ETFDH: variants seen among roughly 807,000 people sequenced by gnomAD.
ETFDH encodes electron transfer flavoprotein-ubiquinone oxidoreductase, mitochondrial.
Under a neutral mutation model 73.2 loss-of-function variants are expected in ETFDH, and 61 were observed. The ratio of observed to expected loss-of-function variants is 0.83; its 90% CI spans 0.68 to 1.03. The LOEUF is 1.03. Ranked by LOEUF, ETFDH falls within the 50% of genes least tolerant of loss-of-function variation. The pLI, the probability that ETFDH is intolerant of heterozygous loss-of-function variation, is 0.00. For missense variants in ETFDH, 685 were observed against 745.0 expected, an observed-to-expected ratio of 0.92 and a Z score of 0.94; for synonymous variants, 243 against 253.3, an observed-to-expected ratio of 0.96 and a Z score of 0.39.
chr4:158,694,972 A>G (rs949671875), intron 6 of ETFDH, among the ~76,000 whole-genome samples: 2 of 152,216 alleles, frequency 1.3e-5, no homozygotes, highest in Non-Finnish European at 2.9e-5. Flanking sequence ...CAGAACTCAC[A>G]TATATGAAAA....
chr4:158,690,040 C>T (rs537428558), intron 5 of ETFDH, among the ~76,000 whole-genome samples: 1 of 152,184 alleles, frequency 6.6e-6, no homozygotes, highest in South Asian at 2.1e-4. Context: ...CACGATTTGA[C>T]ATCTGAAGGG....
chr4:158,700,732 CAGA>C (rs1774441356), intron 9 of ETFDH: 1 of 152,174 alleles, frequency 6.6e-6, no homozygotes, highest in African/African-American at 2.4e-5. Flanking sequence ...TTCAATACTA[CAGA>C]AGTTTCTCTG....
chr4:158,695,871 T>C (rs778084436), intron 7 of ETFDH, among the ~76,000 whole-genome samples: 1 of 152,246 alleles, frequency 6.6e-6, no homozygotes, highest in African/African-American at 2.4e-5. Flanking sequence ...AATTGTCGTA[T>C]CAAGTGTTGC....
chr4:158,696,651 A>T (rs1774315443), intron 7 of ETFDH, among the ~76,000 whole-genome samples: 1 of 152,224 alleles, frequency 6.6e-6, no homozygotes, highest in Admixed American at 6.5e-5. Context: ...GATTGCACAT[A>T]ATATTATCTG....
At chr4:158,679,466 C>A (rs1013693276) in intron 1 of ETFDH, 12 of 152,012 alleles carry the variant, frequency 7.9e-5, no homozygotes, top group Non-Finnish European at 1.6e-4. Context: ...TCATTGAGTA[C>A]AATCAACGGG....
intron 6 of ETFDH, among the ~76,000 whole-genome samples, chr4:158,692,102 A>G (rs1774180044): frequency 6.6e-6 from 1 of 152,196 alleles, no homozygotes; most frequent in East Asian, 1.9e-4. Context: ...CTGCTTTAAA[A>G]GCAAATAGCG....
In ETFDH at chr4:158,697,597, A is replaced by G. The variant is rs752487495; in HGVS notation, c.870A>G (p.Arg290=). 5 of 1,612,160 alleles carry G rather than the reference A, an allele frequency of 3.1e-6. No individual in the cohort carries two copies. The highest frequency in any genetic ancestry group is 4.2e-6 in the Non-Finnish European group (5 of 1,179,384). Residue 290 remains arginine, a synonymous_variant, in exon 8 of 13, where the codon AGA becomes AGG. Transcript: ENST00000511912. The stretch of plus-strand genomic sequence containing the variant: ...ATGAAAAGAACTGGAAACCTGGGAG[A>G]GTAGATCACACTGTTGGTTGGCCCT... ...VIDEKNWKPG[R]VDHTVGWPLD...
intron 5 of ETFDH, among the ~76,000 whole-genome samples, chr4:158,686,063 A>G (rs952620393): frequency 1.3e-5 from 2 of 152,198 alleles, no homozygotes; most frequent in African/African-American, 4.8e-5. Context: ...TCTCTTTGGC[A>G]GGTCCAGTCT....
At chr4:158,682,017 A>G in intron 2 of ETFDH, 178 bp from the exon 3 acceptor site, 1 of 775,446 alleles carries the variant, frequency 1.3e-6, no homozygotes, top group African/African-American at 1.7e-5. Context: ...GTACTGGAAC[A>G]GAACCTAAGA....
intron 3 of ETFDH, 34 bp downstream of exon 3, chr4:158,682,458 C>A (rs781655668): frequency 1.3e-6 from 2 of 1,494,392 alleles, no homozygotes; most frequent in Non-Finnish European, 1.9e-6. Context: ...AAAGTCTAAT[C>A]TTTTGTAATT....
Position 158,682,300 on chromosome 4 carries a change from A to C in ETFDH, c.281A>C (p.His94Pro), listed in dbSNP as rs1140065. The C allele has an allele frequency of 6.2e-7, 1 of 1,614,220 alleles. No individual in the cohort carries two copies. Among genetic ancestry groups the C allele is most frequent in the Admixed American group, 1.7e-5 (1 of 60,022 alleles). The change falls in exon 3 of 13, where the codon CAT (histidine) becomes CCT (proline). Residue 94 changes from histidine to proline, a missense_variant. Transcript: ENST00000511912. ...CGTCTAAAACAGTTGGCTGTGGCACATGAAAAGGACATCCGTGTGTGTCTA... is the reference window on the plus strand; with the variant it reads ...CGTCTAAAACAGTTGGCTGTGGCACCTGAAAAGGACATCCGTGTGTGTCTA... Reference protein sequence around the residue: ...AVRLKQLAVAHEKDIRVCLVE... With the variant: ...AVRLKQLAVAPEKDIRVCLVE...
chr4:158,701,641 T>G (rs1774465091), intron 9 of ETFDH, among the ~76,000 whole-genome samples: 1 of 152,184 alleles, frequency 6.6e-6, no homozygotes, highest in African/African-American at 2.4e-5. Context: ...GTGTCAATAG[T>G]TTTCTTGTTA....
chr4:158,695,651 G>A lies in ETFDH; in HGVS notation c.831+8G>A. ...GGGATTGGACTGAAGGAGGTATCCT[G>A]GTTTGTTTCTGTAATTTTAATTTTG... On this transcript the variant is annotated splice_region_variant and intron_variant, in intron 7 of 12. Coordinates refer to ENST00000511912, the MANE Select transcript of ETFDH (RefSeq NM_004453.4). 6.3e-7 allele frequency: 1 copy of A among 1,598,346 alleles called. No homozygotes were observed. Among genetic ancestry groups the A allele is most frequent in the Non-Finnish European group, 8.6e-7 (1 of 1,166,168 alleles).
chr4:158,672,560 C>A, intron 1 of ETFDH, 70 bp downstream of exon 1: 1 of 1,425,950 alleles, frequency 7.0e-7, no homozygotes, highest in Non-Finnish European at 9.9e-7. Context: ...GTCCTGGGGG[C>A]TGTAGGCACC....
intron 7 of ETFDH, 48 bp from the exon 8 acceptor site, chr4:158,697,511 A>G (rs1391962350): frequency 1.3e-6 from 2 of 1,557,416 alleles, no homozygotes; most frequent in Non-Finnish European, 1.8e-6. Context: ...ACATAAAAAC[A>G]TTTTTAAAAT....
rs1478480821 is a variant in ETFDH, at chr4:158,703,335, C to G, written c.1117-88C>G. 21 of 934,948 alleles carry G rather than the reference C, an allele frequency of 2.2e-5. No homozygotes were observed. The Admixed American group carries it at 3.1e-4, about 14-fold the overall frequency. The allele number at this position is 934,948 out of a possible 1,614,324, so 57.9% of individuals were successfully genotyped here. ...TATTTTTCAGCCTTTCCCTACAGCT[C>G]TAGAATACTTTAAGACTGATTTGGA... On this transcript the variant is annotated intron_variant, in intron 9 of 12. Transcript: ENST00000511912.
At chr4:158,697,274 T>C (rs2150311528) in intron 7 of ETFDH, among the ~76,000 whole-genome samples, 1 of 152,222 alleles carries the variant, frequency 6.6e-6, no homozygotes, top group East Asian at 1.9e-4. Context: ...TTTGTAGTTT[T>C]AGTAGAGACA....
rs1774725455 is a variant in ETFDH, at chr4:158,709,060, TTATCTATAA to T, written c.*534_*542del. 2 of 153,528 alleles carry T rather than the reference TTATCTATAA, an allele frequency of 1.3e-5. No individual in the cohort carries two copies. Among genetic ancestry groups the T allele is most frequent in the African/African-American group, 2.4e-5 (1 of 40,974 alleles). The allele number at this position is 153,528 out of a possible 1,614,324, so 9.5% of individuals were successfully genotyped here. A position where few individuals can be genotyped will look rare whatever the true frequency, so the allele number is the denominator to read the frequency against. The stretch of plus-strand genomic sequence containing the variant: ...GTGTGTGTGTGTGTGTGTGTGTGTA[TTATCTATAA>T]GTATGAAAACCTAGCATCATCCACC... On this transcript the variant is annotated 3_prime_UTR_variant, in exon 13 of 13. Coordinates refer to ENST00000511912, the MANE Select transcript of ETFDH (RefSeq NM_004453.4).
intron 12 of ETFDH, among the ~76,000 whole-genome samples, 189 bp from the exon 13 acceptor site, chr4:158,708,175 T>C (rs1774686830): frequency 6.6e-6 from 1 of 152,190 alleles, no homozygotes; most frequent in Non-Finnish European, 1.5e-5. Context: ...CTGTACCTCC[T>C]TTTATTATGT....
Sources: allele counts gnomAD v4.1 joint callset (sites outside exome capture counted in the v4.1 genomes callset), GRCh38; gene constraint gnomAD v4.1.1; transcripts MANE v1.5; gene names NCBI Gene and HGNC (gene_info 2026-07-23, HGNC 2026-07-21).